SLC15A1: variants seen among roughly 807,000 people sequenced by gnomAD.
SLC15A1 encodes the protein solute carrier family 15 member 1.
A neutral mutation model predicts 92.9 loss-of-function variants in SLC15A1; 83 were observed. The ratio of observed to expected loss-of-function variants is 0.89; its 90% CI spans 0.75 to 1.07. SLC15A1 has a LOEUF of 1.07. SLC15A1 is among the 50% of genes least tolerant of loss of function. The probability of loss-of-function intolerance (pLI) is 0.00; values close to 1 mark genes in which losing one functional copy is unlikely to be tolerated. For missense variants in SLC15A1, 857 were observed against 880.1 expected (o/e 0.97, Z 0.33); for synonymous variants, 322 against 318.2 (o/e 1.01, Z -0.13).
At chr13:98,702,443 A>G (rs1360737283) in intron 18 of SLC15A1, 37 bp downstream of exon 18, 1 of 1,417,014 alleles carries the variant, frequency 7.1e-7, no homozygotes, top group Non-Finnish European at 1.0e-6. Context: ...TTTCATAAGA[A>G]TCTGATAAAA....
Position 98,687,631 on chromosome 13 carries a change from A to T in SLC15A1, c.1777T>A (p.Cys593Ser). ...GTGACAGAGAAGACCACTTCGCCAC[A>T]GGTGAGAAGAAAATACTGCGGGATT... ...LQIPQYFLLT[C>S]GEVVFSVTGL... Residue 593 changes from cysteine to serine, a missense_variant, in exon 21 of 23, where the codon TGT becomes AGT. Physicochemically the swap from Cys to Ser is moderately radical, Grantham distance 112. Coordinates refer to ENST00000376503, the MANE Select transcript of SLC15A1 (RefSeq NM_005073.4). The T allele has an allele frequency of 6.2e-7, 1 of 1,614,218 alleles. No individual in the cohort carries two copies. The highest frequency in any genetic ancestry group is 1.3e-5 in the African/African-American group (1 of 75,074).
chr13:98,723,252 CA>C (rs2088274217), intron 5 of SLC15A1, among the ~76,000 whole-genome samples: 2 of 152,154 alleles, frequency 1.3e-5, no homozygotes. Context: ...GCAGTCTGAT[CA>C]ACTGATAAGC....
At chr13:98,732,991 T>C (rs2088362493) in intron 1 of SLC15A1, among the ~76,000 whole-genome samples, 1 of 152,090 alleles carries the variant, frequency 6.6e-6, no homozygotes. Context: ...TCTTAGATTA[T>C]CCAGACAGAC....
chr13:98,710,620 G>C (rs1892503), intron 11 of SLC15A1, among the ~76,000 whole-genome samples: 83 of 151,582 alleles, frequency 5.5e-4, no homozygotes, highest in Middle Eastern at 6.8e-3. Context: ...GTTGGAGACC[G>C]GCCTGGTCAA....
chr13:98,709,434 C>G, intron 14 of SLC15A1, 138 bp downstream of exon 14: 2 of 671,620 alleles, frequency 3.0e-6, no homozygotes, highest in Non-Finnish European at 5.2e-6. Flanking sequence ...CATCAGCACA[C>G]GAACATTTGT....
rs2088299708 is a variant in SLC15A1, at chr13:98,726,304, G to T, written c.104-40C>A. On this transcript the variant is annotated intron_variant, in intron 3 of 22. Coordinates refer to ENST00000376503, the MANE Select transcript of SLC15A1 (RefSeq NM_005073.4). ...AGGTGGAAGAGGAGGGGGAAACAAAGTTAGGACTGGTTATGGCCACTCCCG... is the reference window on the plus strand; with the variant it reads ...AGGTGGAAGAGGAGGGGGAAACAAATTTAGGACTGGTTATGGCCACTCCCG... 1.9e-6 allele frequency: 3 copies of T among 1,613,062 alleles called. No individual in the cohort carries two copies. In the African/African-American group the frequency reaches 4.0e-5, roughly 22 times the overall value.
At chr13:98,747,296 G>A (rs138246649) in intron 1 of SLC15A1, among the ~76,000 whole-genome samples, 124 of 152,066 alleles carry the variant, frequency 8.2e-4, no homozygotes, top group African/African-American at 2.9e-3. Flanking sequence ...TTTCCTTATC[G>A]GCTCACCTGG....
At chr13:98,730,866 C>T (rs1323664343) in intron 1 of SLC15A1, among the ~76,000 whole-genome samples, 2 of 152,216 alleles carry the variant, frequency 1.3e-5, no homozygotes, top group Non-Finnish European at 2.9e-5. Flanking sequence ...GGCTGACCTG[C>T]AAGGAGCTCA....
At chr13:98,688,871 GA>G (rs2087953697) in intron 18 of SLC15A1, among the ~76,000 whole-genome samples, 1 of 152,142 alleles carries the variant, frequency 6.6e-6, no homozygotes, top group Non-Finnish European at 1.5e-5. Context: ...ATTAAGCAGG[GA>G]CTGAAGTAGA....
chr13:98,714,766 A>G (rs1444589518), intron 9 of SLC15A1, among the ~76,000 whole-genome samples: 1 of 151,218 alleles, frequency 6.6e-6, no homozygotes, highest in Non-Finnish European at 1.5e-5. Context: ...TTTCATCCAT[A>G]AGATTCACAC....
At chr13:98,711,596 C>T (rs1209093858) in intron 11 of SLC15A1, among the ~76,000 whole-genome samples, 1 of 152,222 alleles carries the variant, frequency 6.6e-6, no homozygotes, top group African/African-American at 2.4e-5. Context: ...GGCTACTTGA[C>T]TTGACCTCAT....
chr13:98,727,303 G>C (rs528877905), intron 1 of SLC15A1, among the ~76,000 whole-genome samples: 1 of 152,284 alleles, frequency 6.6e-6, no homozygotes, highest in South Asian at 2.1e-4. Flanking sequence ...CTTGGGCCCT[G>C]CCTGCCAGGC....
At chr13:98,744,341 CT>C (rs528329997) in intron 1 of SLC15A1, among the ~76,000 whole-genome samples, 1,863 of 136,566 alleles carry the variant, frequency 0.014, 21 homozygotes, top group Non-Finnish European at 0.02. Context: ...CACACACAGA[CT>C]TTTTTTTTTT....
intron 18 of SLC15A1, among the ~76,000 whole-genome samples, chr13:98,695,822 T>G (rs572710390): frequency 6.6e-6 from 1 of 152,340 alleles, no homozygotes; most frequent in South Asian, 2.1e-4. Context: ...TAGTATATAC[T>G]CTTCCTTTAA....
chr13:98,693,158 C>T (rs2087995896), intron 18 of SLC15A1, among the ~76,000 whole-genome samples: 1 of 135,416 alleles, frequency 7.4e-6, no homozygotes, highest in Admixed American at 8.3e-5. Context: ...AGAGCCATGG[C>T]ACAGTCTCAG....
chr13:98,725,373 A>G (rs2088290217), intron 4 of SLC15A1, among the ~76,000 whole-genome samples: 1 of 151,902 alleles, frequency 6.6e-6, no homozygotes, highest in African/African-American at 2.4e-5. Context: ...ACAACATCCC[A>G]CTGGGTGTGC....
chr13:98,734,883 T>C (rs1283524816), intron 1 of SLC15A1, among the ~76,000 whole-genome samples: 1 of 152,158 alleles, frequency 6.6e-6, no homozygotes, highest in Non-Finnish European at 1.5e-5. Flanking sequence ...ACCAGATGGA[T>C]TCACAGCCGA....
intron 18 of SLC15A1, among the ~76,000 whole-genome samples, chr13:98,690,624 G>A (rs544250025): frequency 9.2e-5 from 14 of 152,130 alleles, no homozygotes; most frequent in African/African-American, 3.1e-4. Context: ...AACACAGTCC[G>A]AGTAACTTAA....
Position 98,706,118 on chromosome 13 carries a change from A to G in SLC15A1, c.1269+16T>C. 6.3e-7 allele frequency: 1 copy of G among 1,597,596 alleles called. No homozygotes were observed. On this transcript the variant is annotated intron_variant, in intron 16 of 22. Transcript: ENST00000376503. ...TCAGAAGATGAAAAAGAAGGCAGCA[A>G]TTTCCTTCTACTTACTTGAGACATT...
Sources: gnomAD v4.1 joint callset for allele counts (sites outside exome capture counted in the v4.1 genomes callset) on GRCh38, gnomAD v4.1.1 for gene constraint, MANE v1.5 for transcripts, NCBI Gene and HGNC (gene_info 2026-07-23, HGNC 2026-07-21) for gene names.